SRSF11: variants seen among roughly 807,000 people sequenced by gnomAD.
SRSF11 encodes serine and arginine rich splicing factor 11, also known as serine/arginine-rich splicing factor 11.
A neutral mutation model predicts 56.0 loss-of-function variants in SRSF11; 9 were observed. The ratio of observed to expected loss-of-function variants is 0.16; its 90% CI spans 0.10 to 0.28. The LOEUF (loss-of-function observed/expected upper bound fraction) is 0.28, where lower values mean the gene tolerates loss of function less well. Ranked by LOEUF, SRSF11 falls within the 10% of genes least tolerant of loss-of-function variation. The pLI is 1.00. For synonymous variants in SRSF11, 222 were observed against 215.3 expected (o/e 1.03, Z -0.27); for missense variants, 421 against 600.7 (o/e 0.70, Z 3.13).
intron 7 of SRSF11, among the ~76,000 whole-genome samples, chr1:70,242,573 G>A (rs1675726986): frequency 6.6e-6 from 1 of 151,680 alleles, no homozygotes; most frequent in Admixed American, 6.6e-5. Flanking sequence ...CAAAGTGCTG[G>A]GGTGACAGAT....
chr1:70,225,137 G>T (rs952000302), intron 1 of SRSF11, among the ~76,000 whole-genome samples: 1 of 152,116 alleles, frequency 6.6e-6, no homozygotes, highest in South Asian at 2.1e-4. Flanking sequence ...TAGTGGGATT[G>T]CCCAGCAAAG....
chr1:70,214,153 C>T (rs188373839), intron 1 of SRSF11, among the ~76,000 whole-genome samples: 65 of 152,236 alleles, frequency 4.3e-4, no homozygotes, highest in African/African-American at 1.5e-3. Flanking sequence ...GGTAAAGATA[C>T]ATATAACTCT....
chr1:70,221,511 C>A lies in SRSF11; in HGVS notation c.-126C>A. The A allele has an allele frequency of 7.7e-7, 1 of 1,299,298 alleles. No homozygotes were observed. The highest frequency in any genetic ancestry group is 1.0e-6 in the Non-Finnish European group (1 of 959,454). The allele number at this position is 1,299,298 out of a possible 1,614,324, so 80.5% of individuals were successfully genotyped here. A position where few individuals can be genotyped will look rare whatever the true frequency, so the allele number is the denominator to read the frequency against. ...GCGGCGGCGGCGGCGGCATCGGCAG[C>A]AGTAGCAGAGGCTGTAGCATCGGAC... On this transcript the variant is annotated 5_prime_UTR_variant, in exon 1 of 12. Transcript: ENST00000370949.
chr1:70,247,772 A>G (rs1452982638), intron 9 of SRSF11, among the ~76,000 whole-genome samples: 2 of 152,164 alleles, frequency 1.3e-5, no homozygotes, highest in Non-Finnish European at 1.5e-5. Flanking sequence ...CTAGAGTGCT[A>G]GTTAGAAAAT....
At position 70,250,474 on chromosome 1, in the gene SRSF11, A is replaced by G; in HGVS notation, c.1228A>G (p.Arg410Gly). 1.2e-6 allele frequency: 2 copies of G among 1,605,286 alleles called. No homozygotes were observed. Among genetic ancestry groups the G allele is most frequent in the African/African-American group, 1.3e-5 (1 of 74,830 alleles). The change falls in exon 11 of 12, where the codon AGA (arginine) becomes GGA (glycine). Residue 410 changes from arginine (R) to glycine (G), a missense_variant. By Grantham distance (125) the Arg-to-Gly change is moderately radical. Transcript: ENST00000370949. Reference protein sequence around the residue: ...KSKDKEKDRERKSESDKDVKQ... With the variant: ...KSKDKEKDREGKSESDKDVKQ... ...TAAAGATAAGGAAAAGGACCGGGAAAGAAAATCAGAGAGTGATAAAGATGT... is the reference window on the plus strand; with the variant it reads ...TAAAGATAAGGAAAAGGACCGGGAAGGAAAATCAGAGAGTGATAAAGATGT...
chr1:70,208,337 T>C (rs1029532388), intron 1 of SRSF11, among the ~76,000 whole-genome samples: 7 of 152,086 alleles, frequency 4.6e-5, no homozygotes, highest in Non-Finnish European at 7.4e-5. Context: ...TGTGTGTGTG[T>C]GTGTGTGTGT....
At chr1:70,220,900 T>C (rs1670481966), upstream of SRSF11, 1 of 152,164 alleles carries the variant, frequency 6.6e-6, no homozygotes, top group Non-Finnish European at 1.5e-5. Flanking sequence ...TATTAATAAG[T>C]GTAATATTAA....
chr1:70,215,420 C>T (rs903577490), intron 1 of SRSF11, among the ~76,000 whole-genome samples: 1 of 152,144 alleles, frequency 6.6e-6, no homozygotes. Context: ...ATCTGCCTTA[C>T]AAGAATTGAG....
rs1212797262 is a variant in SRSF11, at chr1:70,221,577, T to C, written c.-60T>C. The C allele has an allele frequency of 1.9e-6, 3 of 1,547,770 alleles. No homozygotes were observed. In the East Asian group the frequency reaches 6.9e-5, roughly 36 times the overall value. The stretch of plus-strand genomic sequence containing the variant: ...GCAATCCGGTTCCTCTTCCCCCTCC[T>C]TCTCACTGTTTGTTGTGTGTTTGAT... On this transcript the variant is annotated 5_prime_UTR_variant, in exon 1 of 12. Transcript: ENST00000370949.
At chr1:70,222,512 A>G in intron 1 of SRSF11, among the ~76,000 whole-genome samples, 1 of 152,178 alleles carries the variant, frequency 6.6e-6, no homozygotes. Context: ...ATGACTTTTT[A>G]TCCTTTTTGT....
intron 1 of SRSF11, among the ~76,000 whole-genome samples, chr1:70,216,204 C>T (rs956688037): frequency 1.3e-5 from 2 of 152,078 alleles, no homozygotes; most frequent in Non-Finnish European, 2.9e-5. Flanking sequence ...TATTGTTTTA[C>T]GGATGTGTAT....
chr1:70,231,395 G>A, intron 2 of SRSF11: 1 of 1,057,656 alleles, frequency 9.5e-7, no homozygotes, highest in Non-Finnish European at 1.1e-6. Context: ...ATTTGTTTTA[G>A]GACCCTTAGA....
chr1:70,234,129 T>G (rs780287570), intron 3 of SRSF11, among the ~76,000 whole-genome samples: 4 of 152,112 alleles, frequency 2.6e-5, no homozygotes, highest in African/African-American at 4.8e-5. Flanking sequence ...GGCTACTGGG[T>G]GTTTGACATG....
chr1:70,245,903 A>C (rs1357981199), intron 8 of SRSF11, among the ~76,000 whole-genome samples: 3 of 152,210 alleles, frequency 2.0e-5, no homozygotes, highest in Admixed American at 6.5e-5. Flanking sequence ...GTACAGAATC[A>C]GTTTATGGAA....
At chr1:70,220,781 T>C (rs546578716), upstream of SRSF11, 65 of 151,982 alleles carry the variant, frequency 4.3e-4, no homozygotes, top group African/African-American at 1.5e-3. Flanking sequence ...ACAGGGGAAG[T>C]GGAGGTTGCA....
chr1:70,210,187 C>G (rs904814313), intron 1 of SRSF11, among the ~76,000 whole-genome samples: 1 of 151,428 alleles, frequency 6.6e-6, no homozygotes. Context: ...GACAGAGTTT[C>G]CCTTTCTCAC....
intron 1 of SRSF11, among the ~76,000 whole-genome samples, chr1:70,212,328 C>T (rs974311222): frequency 2.6e-5 from 4 of 152,134 alleles, no homozygotes; most frequent in Non-Finnish European, 4.4e-5. Context: ...GAGATCTTGG[C>T]TCACTGCAAC....
intron 2 of SRSF11, chr1:70,229,822 A>G: frequency 2.0e-6 from 2 of 983,596 alleles, no homozygotes; most frequent in Non-Finnish European, 2.4e-6. Context: ...GGGTTAAGAC[A>G]TGTTATGTAA....
intron 7 of SRSF11, among the ~76,000 whole-genome samples, chr1:70,243,092 G>A (rs894278515): frequency 6.6e-6 from 1 of 151,986 alleles, no homozygotes; most frequent in East Asian, 1.9e-4. Context: ...GGGTTTTGAG[G>A]CAGTTGTTTT....
Sources: gnomAD v4.1 joint callset for allele counts (sites outside exome capture counted in the v4.1 genomes callset) on GRCh38, gnomAD v4.1.1 for gene constraint, MANE v1.5 for transcripts, NCBI Gene and HGNC (gene_info 2026-07-23, HGNC 2026-07-21) for gene names.